The following SNAP29 variants were observed in gnomAD, a reference collection of about 807,000 sequenced individuals.
SNAP29 encodes synaptosomal-associated protein 29.
In SNAP29, 13 loss-of-function variants were observed where a neutral mutation model predicts 27.9. The observed-to-expected ratio is 0.47, with a 90% confidence interval of 0.30 to 0.74. The LOEUF is 0.74. Ranked by LOEUF, SNAP29 falls within the 30% of genes least tolerant of loss-of-function variation. The pLI is 0.06. For synonymous variants in SNAP29, 119 were observed against 127.1 expected (o/e 0.94, Z 0.43); for missense variants, 368 against 336.5 (o/e 1.09, Z -0.73).
intron 1 of SNAP29, among the ~76,000 whole-genome samples, chr22:20,869,342 C>T (rs1388314442): frequency 1.3e-5 from 2 of 152,150 alleles, no homozygotes; most frequent in Admixed American, 1.3e-4. Flanking sequence ...GAAGGCCTCT[C>T]TGAGAGAGTG....
chr22:20,881,221 A>G (rs1265053443), intron 3 of SNAP29, 87 bp downstream of exon 3: 3 of 931,942 alleles, frequency 3.2e-6, no homozygotes, highest in African/African-American at 1.6e-5. Flanking sequence ...GGCAGTGGCA[A>G]CCTCTCTGGG....
At chr22:20,884,194 G>C (rs372024071) in intron 4 of SNAP29, among the ~76,000 whole-genome samples, 1 of 152,032 alleles carries the variant, frequency 6.6e-6, no homozygotes, top group Non-Finnish European at 1.5e-5. Flanking sequence ...TTAGCCGGGC[G>C]TGGTGGCAGG....
intron 1 of SNAP29, among the ~76,000 whole-genome samples, chr22:20,859,862 CA>C (rs1928205333): frequency 6.6e-6 from 1 of 152,158 alleles, no homozygotes; most frequent in African/African-American, 2.4e-5. Flanking sequence ...TCCACCTAAC[CA>C]ACCAATAGAG....
At chr22:20,877,113 T>C (rs1569118858) in intron 2 of SNAP29, among the ~76,000 whole-genome samples, 1 of 152,224 alleles carries the variant, frequency 6.6e-6, no homozygotes, top group African/African-American at 2.4e-5. Context: ...TTATCACTTT[T>C]CTCAGTCTCC....
chr22:20,876,363 CCCTCCCACCTCTG>C (rs1928744929), intron 2 of SNAP29, among the ~76,000 whole-genome samples: 3 of 148,712 alleles, frequency 2.0e-5, no homozygotes, highest in African/African-American at 5.0e-5. Context: ...GATCCAGCAA[CCCTCCCACCTCTG>C]CCTCCCAAGT....
At chr22:20,868,557 T>A (rs1303926868) in intron 1 of SNAP29, among the ~76,000 whole-genome samples, 2 of 152,208 alleles carry the variant, frequency 1.3e-5, no homozygotes, top group Non-Finnish European at 2.9e-5. Context: ...TCTTCAGGTT[T>A]CCAGGATGTT....
At chr22:20,859,372 G>T (rs368783887) in intron 1 of SNAP29, 25 bp downstream of exon 1, 3 of 1,471,956 alleles carry the variant, frequency 2.0e-6, no homozygotes, top group African/African-American at 1.4e-5. Context: ...GGGCTGGTGT[G>T]GACTCGCCGG....
intron 2 of SNAP29, among the ~76,000 whole-genome samples, chr22:20,880,319 G>A (rs1252225468): frequency 6.6e-6 from 1 of 152,062 alleles, no homozygotes; most frequent in East Asian, 1.9e-4. Context: ...CCAACATGGT[G>A]AAACCCCATC....
chr22:20,885,820 G>A (rs165905), intron 4 of SNAP29, among the ~76,000 whole-genome samples: 57,485 of 151,998 alleles, frequency 0.38, 11,260 homozygotes, highest in East Asian at 0.49. Flanking sequence ...AGGCCAGGCC[G>A]GTCCACTCTG....
intron 2 of SNAP29, among the ~76,000 whole-genome samples, chr22:20,871,607 G>A (rs1252182185): frequency 6.6e-6 from 1 of 152,082 alleles, no homozygotes; most frequent in Non-Finnish European, 1.5e-5. Flanking sequence ...TGGGGGCCAG[G>A]CACGGTGGCT....
Position 20,876,224 on chromosome 22 carries a change from A to G in SNAP29, c.435-4825A>G, listed in dbSNP as rs555761897. Among the ~76,000 whole-genome samples, 4 of 151,054 alleles carry G rather than the reference A, an allele frequency of 2.6e-5. No homozygotes were observed. The East Asian group carries it at 7.8e-4, about 29-fold the overall frequency. ...TCCTGTCAAAACCTTTAATCCATAAATGCAGGAATACTGTCACTTAAAAAC... is the reference window on the plus strand; with the variant it reads ...TCCTGTCAAAACCTTTAATCCATAAGTGCAGGAATACTGTCACTTAAAAAC... On this transcript the variant is annotated intron_variant, in intron 2 of 4. Coordinates refer to ENST00000215730, the MANE Select transcript of SNAP29 (RefSeq NM_004782.4).
In SNAP29 at chr22:20,890,050, C is replaced by T. The variant is rs1295808310; in HGVS notation, c.*2214C>T. On this transcript the variant is annotated 3_prime_UTR_variant, in exon 5 of 5. Transcript: ENST00000215730. ...TTAGAGGGCCTCGTTTTGTCCTGTT[C>T]TTGTTCAGACCCTCTCGTTCTACGT... The T allele has an allele frequency of 2.6e-6, 1 of 387,914 alleles. No individual in the cohort carries two copies. The highest frequency in any genetic ancestry group is 2.1e-5 in the African/African-American group (1 of 48,312). The allele number at this position is 387,914 out of a possible 1,614,324, so 24.0% of individuals were successfully genotyped here.
chr22:20,865,481 T>C (rs1928436449), intron 1 of SNAP29, among the ~76,000 whole-genome samples: 1 of 152,194 alleles, frequency 6.6e-6, no homozygotes, highest in Non-Finnish European at 1.5e-5. Flanking sequence ...GCACATCCAC[T>C]CACAGCTGCC....
chr22:20,865,990 A>G (rs1446861507), intron 1 of SNAP29, among the ~76,000 whole-genome samples: 1 of 152,220 alleles, frequency 6.6e-6, no homozygotes, highest in Non-Finnish European at 1.5e-5. Context: ...CCACCATCAT[A>G]TATCACATTG....
chr22:20,859,023 CG>C lies in SNAP29; in HGVS notation c.-84del, dbSNP rs1928096679. ...GCGGAAGGAGTTCGCGCGACGACCG[CG>C]GGGTCGGCGGGCGGGGCGAGGCCCT... is the stretch of plus-strand genomic sequence containing the variant. On this transcript the variant is annotated 5_prime_UTR_variant, in exon 1 of 5. Transcript: ENST00000215730. 1 of 1,376,628 alleles carries C rather than the reference CG, an allele frequency of 7.3e-7. No individual in the cohort carries two copies. Among genetic ancestry groups the C allele is most frequent in the East Asian group, 2.5e-5 (1 of 39,558 alleles). The allele number at this position is 1,376,628 out of a possible 1,614,324, so 85.3% of individuals were successfully genotyped here. A position where few individuals can be genotyped will look rare whatever the true frequency, so the allele number is the denominator to read the frequency against.
intron 1 of SNAP29, among the ~76,000 whole-genome samples, chr22:20,862,967 C>T (rs1928362372): frequency 6.6e-6 from 1 of 152,178 alleles, no homozygotes; most frequent in Admixed American, 6.5e-5. Context: ...TGGCTCACTG[C>T]AGCCTCTGCC....
In SNAP29 at chr22:20,888,594, T is replaced by C. The variant is rs1164701825; in HGVS notation, c.*758T>C. ...TTCCCCACGTGCTCCCATCTGTAAC[T>C]CTCCATCTGTGATTTGCAACAGGTC... On this transcript the variant is annotated 3_prime_UTR_variant, in exon 5 of 5. Coordinates refer to ENST00000215730, the MANE Select transcript of SNAP29 (RefSeq NM_004782.4). The C allele has an allele frequency of 6.5e-6, 1 of 153,042 alleles. No homozygotes were observed. The highest frequency in any genetic ancestry group is 1.5e-5 in the Non-Finnish European group (1 of 68,748). The allele number at this position is 153,042 out of a possible 1,614,324, so 9.5% of individuals were successfully genotyped here. A position where few individuals can be genotyped will look rare whatever the true frequency, so the allele number is the denominator to read the frequency against.
chr22:20,874,330 ACACACACACGAAAATTAGC>A (rs1157123810), intron 2 of SNAP29, among the ~76,000 whole-genome samples: 1 of 146,248 alleles, frequency 6.8e-6, no homozygotes, highest in African/African-American at 2.5e-5. Flanking sequence ...ACACACACAC[ACACACACACGAAAATTAGC>A]CACACACACA....
At chr22:20,876,273 T>C (rs1342440573) in intron 2 of SNAP29, among the ~76,000 whole-genome samples, 2 of 150,120 alleles carry the variant, frequency 1.3e-5, no homozygotes, top group Non-Finnish European at 3.0e-5. Context: ...TTTTTTTTTT[T>C]TTAAGACAAT....
Sources: gnomAD v4.1 joint callset for allele counts (sites outside exome capture counted in the v4.1 genomes callset) on GRCh38, gnomAD v4.1.1 for gene constraint, MANE v1.5 for transcripts, NCBI Gene and HGNC (gene_info 2026-07-23, HGNC 2026-07-21) for gene names.